The following PTPRD variants were observed in gnomAD, a reference collection of about 807,000 sequenced individuals.
PTPRD encodes the protein receptor-type tyrosine-protein phosphatase delta.
A neutral mutation model predicts 214.5 loss-of-function variants in PTPRD; 34 were observed. The ratio of observed to expected loss-of-function variants is 0.16; its 90% confidence interval spans 0.12 to 0.21. PTPRD has a LOEUF of 0.21. Among genes scored for constraint, PTPRD ranks in the 10% least tolerant of loss-of-function variants. PTPRD has a pLI of 1.00. For synonymous variants in PTPRD, 1,128 were observed against 845.7 expected, an observed-to-expected ratio of 1.33 and a Z score of -5.79; for missense variants, 2,545 against 2,398.7, an observed-to-expected ratio of 1.06 and a Z score of -1.27.
chr9:8,992,764 A>G (rs535510268), intron 11 of PTPRD, among the ~76,000 whole-genome samples: 1 of 152,284 alleles, frequency 6.6e-6, no homozygotes, highest in South Asian at 2.1e-4. Flanking sequence ...GGATTTTGTT[A>G]GCTGGTTCTG....
intron 8 of PTPRD, among the ~76,000 whole-genome samples, chr9:9,400,564 T>C (rs1226181679): frequency 1.3e-5 from 2 of 152,072 alleles, no homozygotes; most frequent in Non-Finnish European, 2.9e-5. Context: ...TTTCCATTCA[T>C]TTCCAACCAC....
intron 8 of PTPRD, among the ~76,000 whole-genome samples, chr9:9,536,493 T>C (rs1282451390): frequency 2.0e-5 from 3 of 152,086 alleles, no homozygotes; most frequent in Non-Finnish European, 4.4e-5. Flanking sequence ...TCCATGCATC[T>C]GTTGAAAACC....
intron 5 of PTPRD, among the ~76,000 whole-genome samples, chr9:9,845,909 C>T (rs1223704178): frequency 6.6e-6 from 1 of 151,988 alleles, no homozygotes; most frequent in Non-Finnish European, 1.5e-5. Context: ...TAATGACATA[C>T]ACCTGGAGCA....
chr9:9,245,849 A>G (rs1259117901), intron 9 of PTPRD, among the ~76,000 whole-genome samples: 4 of 152,130 alleles, frequency 2.6e-5, no homozygotes, highest in Admixed American at 2.0e-4. Context: ...TTGAGCAGAA[A>G]TAAATTTTCT....
At chr9:8,951,501 T>C (rs889631982) in intron 11 of PTPRD, among the ~76,000 whole-genome samples, 1 of 151,970 alleles carries the variant, frequency 6.6e-6, no homozygotes, top group Admixed American at 6.6e-5. Flanking sequence ...GCTGACAATA[T>C]ACTTGATTTT....
chr9:8,909,839 G>T (rs1217876494), intron 11 of PTPRD, among the ~76,000 whole-genome samples: 1 of 147,484 alleles, frequency 6.8e-6, no homozygotes, highest in African/African-American at 2.5e-5. Flanking sequence ...GAACAGGAAA[G>T]GGAGATGGAG....
Position 8,346,900 on chromosome 9 carries a change from T to C in PTPRD, c.4662-4922A>G, listed in dbSNP as rs1181421935. The stretch of plus-strand genomic sequence containing the variant: ...AGGAAAAAGAAATTCATGATTGTTC[T>C]GCTGTTGCACCTCAAACTGCAAAAG... On this transcript the variant is annotated intron_variant, in intron 39 of 45. Coordinates refer to ENST00000381196, the MANE Select transcript of PTPRD (RefSeq NM_002839.4). 5.3e-5 allele frequency among the ~76,000 whole-genome samples: 8 copies of C among 152,290 alleles called. No individual in the cohort carries two copies. The East Asian group carries it at 1.5e-3, about 29-fold the overall frequency.
intron 9 of PTPRD, among the ~76,000 whole-genome samples, chr9:9,306,670 A>C (rs1167953355): frequency 6.6e-6 from 1 of 151,968 alleles, no homozygotes; most frequent in Non-Finnish European, 1.5e-5. Flanking sequence ...AGGGTCATGC[A>C]GCCATTATTT....
At chr9:10,536,169 G>A (rs982302712) in intron 2 of PTPRD, among the ~76,000 whole-genome samples, 2 of 152,054 alleles carry the variant, frequency 1.3e-5, no homozygotes, top group Admixed American at 1.3e-4. Flanking sequence ...GTCTGCTTAA[G>A]AAACTCCAAA....
chr9:9,644,772 C>T (rs1370304074), intron 7 of PTPRD, among the ~76,000 whole-genome samples: 1 of 152,162 alleles, frequency 6.6e-6, no homozygotes, highest in Non-Finnish European at 1.5e-5. Context: ...CCACAAACCC[C>T]ACTGGCAGAG....
intron 2 of PTPRD, among the ~76,000 whole-genome samples, chr9:10,426,529 T>C (rs953788206): frequency 1.3e-5 from 2 of 152,032 alleles, no homozygotes; most frequent in African/African-American, 4.8e-5. Flanking sequence ...TAAAAGCCAT[T>C]GGTCCATATT....
At chr9:9,434,351 A>C (rs1337481408) in intron 8 of PTPRD, among the ~76,000 whole-genome samples, 11 of 152,118 alleles carry the variant, frequency 7.2e-5, no homozygotes, top group Non-Finnish European at 4.4e-5. Flanking sequence ...AACACTGATA[A>C]ACGAAATAGA....
chr9:9,964,307 C>T (rs910728145), intron 4 of PTPRD, among the ~76,000 whole-genome samples: 3 of 152,104 alleles, frequency 2.0e-5, no homozygotes, highest in Non-Finnish European at 4.4e-5. Context: ...GTTAGAAATA[C>T]GTTCTCTACT....
chr9:10,172,848 A>T (rs781259891), intron 3 of PTPRD, among the ~76,000 whole-genome samples: 1 of 152,220 alleles, frequency 6.6e-6, no homozygotes, highest in Non-Finnish European at 1.5e-5. Context: ...ATGTATATGG[A>T]ATCAAAGATA....
intron 2 of PTPRD, among the ~76,000 whole-genome samples, chr9:10,589,257 A>G (rs10115631): frequency 0.14 from 21,580 of 151,988 alleles, 2,312 homozygotes; most frequent in East Asian, 0.59. Flanking sequence ...TGTTATCAAG[A>G]GCAACTGAAA....
intron 10 of PTPRD, among the ~76,000 whole-genome samples, chr9:9,042,313 G>T (rs1321939968): frequency 1.3e-5 from 2 of 152,088 alleles, no homozygotes; most frequent in Non-Finnish European, 2.9e-5. Flanking sequence ...ATGGGTTCCG[G>T]CAAGATCAAA....
At position 9,763,417 on chromosome 9, in the gene PTPRD, T is replaced by A. The variant is rs1481944165; in HGVS notation, c.-326+3393A>T. ...ATAATATATATGTATTAAAGGGGTA[T>A]GGTATTATAATATTATTTCACAATT... On this transcript the variant is annotated intron_variant, in intron 6 of 45. Coordinates refer to ENST00000381196, the MANE Select transcript of PTPRD (RefSeq NM_002839.4). Among the ~76,000 whole-genome samples the A allele has an allele frequency of 3.3e-5, 5 of 152,022 alleles. No homozygotes were observed. The East Asian group carries it at 7.8e-4, about 24-fold the overall frequency.
At chr9:9,182,912 G>C (rs1392487606) in intron 10 of PTPRD, among the ~76,000 whole-genome samples, 1 of 151,550 alleles carries the variant, frequency 6.6e-6, no homozygotes. Flanking sequence ...GTATGTAGGC[G>C]AGACCACCAC....
intron 2 of PTPRD, among the ~76,000 whole-genome samples, chr9:10,502,690 A>T (rs1566564775): frequency 6.6e-6 from 1 of 152,038 alleles, no homozygotes; most frequent in African/African-American, 2.4e-5. Flanking sequence ...AGATACAAAA[A>T]CTGTAATATA....
Sources: allele counts gnomAD v4.1 joint callset (sites outside exome capture counted in the v4.1 genomes callset), GRCh38; gene constraint gnomAD v4.1.1; transcripts MANE v1.5; gene names NCBI Gene and HGNC (gene_info 2026-07-23, HGNC 2026-07-21).